FRYL: variants seen among roughly 807,000 people sequenced by gnomAD.
FRYL encodes FRY like transcription coactivator.
A neutral mutation model predicts 351.2 loss-of-function variants in FRYL; 150 were observed. That is an observed-to-expected ratio of 0.43 (90% CI 0.37 to 0.49). FRYL has a LOEUF of 0.49. Among genes scored for constraint, FRYL ranks in the 20% least tolerant of loss-of-function variants. The pLI, the probability that FRYL is intolerant of heterozygous loss-of-function variation, is 0.00. For synonymous variants in FRYL, 1,153 were observed against 1,257.1 expected, an observed-to-expected ratio of 0.92 and a Z score of 1.75; for missense variants, 3,036 against 3,619.3, an observed-to-expected ratio of 0.84 and a Z score of 4.13.
intron 3 of FRYL, among the ~76,000 whole-genome samples, chr4:48,672,033 G>C (rs1762845853): frequency 6.6e-6 from 1 of 152,186 alleles, no homozygotes; most frequent in East Asian, 1.9e-4. Flanking sequence ...AATGCTCCAA[G>C]GTTAAATTTG....
intron 23 of FRYL, among the ~76,000 whole-genome samples, chr4:48,576,675 A>G (rs1157419025): frequency 1.3e-5 from 2 of 152,178 alleles, no homozygotes; most frequent in African/African-American, 4.8e-5. Flanking sequence ...ACTGATATCA[A>G]TGAATAAAGT....
chr4:48,774,995 A>G (rs2109432455), intron 1 of FRYL, among the ~76,000 whole-genome samples: 1 of 152,378 alleles, frequency 6.6e-6, no homozygotes, highest in South Asian at 2.1e-4. Flanking sequence ...GTAGTCTCAT[A>G]ATGATATTCT....
intron 2 of FRYL, among the ~76,000 whole-genome samples, chr4:48,694,178 G>A (rs1765919883): frequency 6.6e-6 from 1 of 152,056 alleles, no homozygotes; most frequent in Non-Finnish European, 1.5e-5. Context: ...AAGAACAATG[G>A]CTGCTCTCCA....
intron 33 of FRYL, among the ~76,000 whole-genome samples, chr4:48,560,321 C>T (rs1735185339): frequency 6.6e-6 from 1 of 152,144 alleles, no homozygotes; most frequent in Admixed American, 6.5e-5. Context: ...TGTAGGTTAG[C>T]TATGGAATTT....
Position 48,533,267 on chromosome 4 carries a change from GT to G in FRYL, c.6705+1277del, listed in dbSNP as rs538722019. 4.0e-4 allele frequency among the ~76,000 whole-genome samples: 59 copies of G among 145,978 alleles called. 1 individual carries two copies. Among genetic ancestry groups the G allele is most frequent in the African/African-American group, 7.2e-4 (29 of 40,014 alleles). The stretch of plus-strand genomic sequence containing the variant: ...GTGAAATATAGCAAATATTTTATAA[GT>G]TTTTTTTTTTTAAGGCTTAAGAAGA... On this transcript the variant is annotated intron_variant, in intron 49 of 63. Transcript: ENST00000358350.
At chr4:48,629,620 T>C (rs1752571020) in intron 4 of FRYL, among the ~76,000 whole-genome samples, 1 of 152,062 alleles carries the variant, frequency 6.6e-6, no homozygotes, top group Non-Finnish European at 1.5e-5. Flanking sequence ...GTATATTATG[T>C]CAGACAGATT....
intron 3 of FRYL, among the ~76,000 whole-genome samples, chr4:48,641,115 C>G (rs901247128): frequency 1.1e-4 from 17 of 152,184 alleles, no homozygotes; most frequent in African/African-American, 3.6e-4. Context: ...GGTGACAGTA[C>G]CAGACCTTTC....
At chr4:48,713,978 C>A (rs893624150) in intron 1 of FRYL, among the ~76,000 whole-genome samples, 1 of 151,780 alleles carries the variant, frequency 6.6e-6, no homozygotes, top group Non-Finnish European at 1.5e-5. Flanking sequence ...CACTCAAAAC[C>A]GCTCAACTAC....
At chr4:48,715,373 C>T (rs1349583687) in intron 1 of FRYL, among the ~76,000 whole-genome samples, 6 of 152,088 alleles carry the variant, frequency 3.9e-5, no homozygotes, top group South Asian at 2.1e-4. Flanking sequence ...TCTAGAAAAC[C>T]CCATCGTCTC....
intron 2 of FRYL, among the ~76,000 whole-genome samples, chr4:48,703,604 C>T (rs1189991061): frequency 5.3e-5 from 8 of 152,180 alleles, no homozygotes; most frequent in Admixed American, 5.2e-4. Flanking sequence ...GACTTTTTTC[C>T]ACCAAGCTAA....
In FRYL at chr4:48,506,603, AACAAT is replaced by A. The variant is rs1577836340; in HGVS notation, c.8395-993_8395-989del. 3.3e-5 allele frequency: 4 copies of A among 122,332 alleles called. No homozygotes were observed. The East Asian group carries it at 9.6e-4, about 29-fold the overall frequency. The allele number at this position is 122,332 out of a possible 1,614,324, so 7.6% of individuals were successfully genotyped here. ...TTCTTTTTTTTAAATTATACTATTA[AACAAT>A]ACAACTAATATATATATATATATAT... On this transcript the variant is annotated intron_variant, in intron 59 of 63. Coordinates refer to ENST00000358350, the MANE Select transcript of FRYL (RefSeq NM_015030.2).
At chr4:48,750,713 T>G (rs1038231218) in intron 1 of FRYL, among the ~76,000 whole-genome samples, 3 of 152,096 alleles carry the variant, frequency 2.0e-5, no homozygotes, top group Non-Finnish European at 4.4e-5. Context: ...CCCAAGCAAC[T>G]AGAAAGATGA....
Position 48,553,266 on chromosome 4 carries a change from G to C in FRYL, c.4384C>G (p.Pro1462Ala), listed in dbSNP as rs767462926. ...VSSGVTHMDN[P>A]PYYRITSSYK... ...CTGGAAGTGATGCGATAATACGGGG[G>C]ATTATCCATGTGAGTGACCCCTGAA... Residue 1462 changes from proline (P) to alanine (A), a missense_variant, in exon 36 of 64, where the codon CCC becomes GCC. Coordinates refer to ENST00000358350, the MANE Select transcript of FRYL (RefSeq NM_015030.2). The C allele has an allele frequency of 1.9e-6, 3 of 1,613,314 alleles. No homozygotes were observed. The Admixed American group carries it at 5.0e-5, about 27-fold the overall frequency.
chr4:48,576,071 G>C lies in FRYL; in HGVS notation c.2680C>G (p.Leu894Val). 1 of 1,613,402 alleles carries C rather than the reference G, an allele frequency of 6.2e-7. No individual in the cohort carries two copies. Among genetic ancestry groups the C allele is most frequent in the Non-Finnish European group, 8.5e-7 (1 of 1,179,736 alleles). Residue 894 changes from leucine to valine, a missense_variant, in exon 24 of 64, where the codon CTG becomes GTG. By Grantham distance (32) the Leu-to-Val change is conservative. This residue lies in a region of FRYL where 492 missense variants were observed against 551.5 expected (regional missense o/e 0.89). Transcript: ENST00000358350. ...TAGCCGCTATCTGGGGTAGACGCCA[G>C]CGTCTCAGGAGGAGAACATCTCACA... is the stretch of plus-strand genomic sequence containing the variant. ...GSVRCSPPET[L>V]ASTPDSGYSI...
chr4:48,630,533 G>A (rs1752752463), intron 4 of FRYL, among the ~76,000 whole-genome samples: 1 of 152,014 alleles, frequency 6.6e-6, no homozygotes, highest in African/African-American at 2.4e-5. Flanking sequence ...GATAAACTTG[G>A]ATATACCTAG....
At chr4:48,661,681 C>T (rs895925969) in intron 3 of FRYL, among the ~76,000 whole-genome samples, 1 of 152,120 alleles carries the variant, frequency 6.6e-6, no homozygotes, top group Non-Finnish European at 1.5e-5. Context: ...CAGCACTCAG[C>T]GATGTCACAA....
Position 48,564,092 on chromosome 4 carries a change from A to C in FRYL, c.3452T>G (p.Leu1151Arg). The change falls in exon 31 of 64, where the codon CTG (leucine) becomes CGG (arginine). Residue 1151 changes from leucine to arginine, a missense_variant. Around this residue, in one of 7 missense-constraint regions of FRYL, gnomAD observed 1,987 missense variants for 2,311.7 expected, o/e 0.86. Transcript: ENST00000358350. ...LDSLDKKVHQLGCEAVTLLLE... is the reference protein window; with the variant it reads ...LDSLDKKVHQRGCEAVTLLLE... ...TAACAACGTAACTGCTTCACAGCCC[A>C]GCTGGTGAACCTAGGTAAAGGTTGT... 6.2e-7 allele frequency: 1 copy of C among 1,613,704 alleles called. No homozygotes were observed. The highest frequency in any genetic ancestry group is 8.5e-7 in the Non-Finnish European group (1 of 1,179,908).
rs182623825 is a variant in FRYL at position 48,536,664 on chromosome 4, A to C, written c.6394-837T>G. On this transcript the variant is annotated intron_variant, in intron 47 of 63. Coordinates refer to ENST00000358350, the MANE Select transcript of FRYL (RefSeq NM_015030.2). ...AAAGGCCATGCTACTCTTACATACC[A>C]ATCTGTCATAAAAGGCTAACCTCAT... is the stretch of plus-strand genomic sequence containing the variant. Among the ~76,000 whole-genome samples the C allele has an allele frequency of 9.2e-5, 14 of 152,284 alleles. No individual in the cohort carries two copies. In the East Asian group the frequency reaches 2.5e-3, roughly 27 times the overall value.
intron 4 of FRYL, among the ~76,000 whole-genome samples, chr4:48,632,114 A>ATG (rs1560754065): frequency 1.0e-4 from 4 of 38,280 alleles, no homozygotes; most frequent in East Asian, 9.9e-4. Context: ...ATATATATAT[A>ATG]TATATATATA....
Sources: allele counts gnomAD v4.1 joint callset (sites outside exome capture counted in the v4.1 genomes callset), GRCh38; gene constraint gnomAD v4.1.1; regional missense constraint gnomAD v4.1.1; transcripts MANE v1.5; gene names NCBI Gene and HGNC (gene_info 2026-07-23, HGNC 2026-07-21).